The following BMP5 variants were observed in gnomAD, a reference collection of about 807,000 sequenced individuals.
BMP5 encodes bone morphogenetic protein 5.
A neutral mutation model predicts 46.6 loss-of-function variants in BMP5; 23 were observed. That is an observed-to-expected ratio of 0.49 (90% confidence interval 0.35 to 0.70). The LOEUF is 0.70. Among genes scored for constraint, BMP5 ranks in the 30% least tolerant of loss-of-function variants. BMP5 has a pLI of 0.00. For synonymous variants in BMP5, 204 were observed against 191.9 expected (o/e 1.06, Z -0.52); for missense variants, 545 against 565.6 (o/e 0.96, Z 0.37).
intron 1 of BMP5, among the ~76,000 whole-genome samples, chr6:55,860,282 T>G (rs1777500811): frequency 6.6e-6 from 1 of 152,120 alleles, no homozygotes. Flanking sequence ...TCAAAAAATT[T>G]TTTTAAAAAG....
chr6:55,854,601 T>G (rs1777341270), intron 1 of BMP5, among the ~76,000 whole-genome samples: 1 of 152,060 alleles, frequency 6.6e-6, no homozygotes, highest in Admixed American at 6.6e-5. Context: ...TGAAGATAAT[T>G]TTGTCACATA....
chr6:55,872,726 T>G (rs899001049), intron 1 of BMP5, among the ~76,000 whole-genome samples: 1 of 151,862 alleles, frequency 6.6e-6, no homozygotes, highest in Non-Finnish European at 1.5e-5. Context: ...AACATACATA[T>G]GCTTCTTTGT....
At chr6:55,772,739 A>G (rs1451525983) in intron 4 of BMP5, 1 of 984,642 alleles carries the variant, frequency 1.0e-6, no homozygotes. Flanking sequence ...AAATTATTTT[A>G]AAACATCACC....
At chr6:55,761,489 C>T (rs1461917110) in intron 4 of BMP5, among the ~76,000 whole-genome samples, 1 of 151,876 alleles carries the variant, frequency 6.6e-6, no homozygotes, top group Non-Finnish European at 1.5e-5. Context: ...ATCCTATTAC[C>T]CCTCTGACTC....
At position 55,759,144 on chromosome 6, in the gene BMP5, CAAAAAAAAAAAAAAA is replaced by C. The variant is rs754365141; in HGVS notation, c.1105-44_1105-30del. 2.4e-4 allele frequency: 20 copies of C among 85,088 alleles called. No individual in the cohort carries two copies. In the African/African-American group the frequency reaches 3.5e-3, roughly 15 times the overall value. The allele number at this position is 85,088 out of a possible 1,614,324, so 5.3% of individuals were successfully genotyped here. A position where few individuals can be genotyped will look rare whatever the true frequency, so the allele number is the denominator to read the frequency against. On this transcript the variant is annotated intron_variant, in intron 5 of 6. Coordinates refer to ENST00000370830, the MANE Select transcript of BMP5 (RefSeq NM_021073.4). The stretch of plus-strand genomic sequence containing the variant: ...ACACATACACACACACACACACACA[CAAAAAAAAAAAAAAA>C]AAAAAAAAAAAAAAAAAAAAAAAAC...
In BMP5 at chr6:55,755,606, T is replaced by C; in HGVS notation, c.1292A>G (p.Tyr431Cys). 6.2e-7 allele frequency: 1 copy of C among 1,612,296 alleles called. No homozygotes were observed. The highest frequency in any genetic ancestry group is 8.5e-7 in the Non-Finnish European group (1 of 1,178,782). Reference protein sequence around the residue: ...PTKLNAISVLYFDDSSNVILK... With the variant: ...PTKLNAISVLCFDDSSNVILK... ...AATGACATTGGAGCTGTCATCAAAG[T>C]ACAGAACAGAGATGGCATTTAATTT... is the stretch of plus-strand genomic sequence containing the variant. The change falls in exon 7 of 7, where the codon TAC becomes TGC. Residue 431 changes from tyrosine to cysteine, a missense_variant. By Grantham distance (194) the Tyr-to-Cys change is radical. Coordinates refer to ENST00000370830, the MANE Select transcript of BMP5 (RefSeq NM_021073.4).
chr6:55,827,039 C>T (rs1220437417), intron 1 of BMP5, among the ~76,000 whole-genome samples: 3 of 151,752 alleles, frequency 2.0e-5, no homozygotes, highest in Admixed American at 6.6e-5. Flanking sequence ...TCTTAGCGTG[C>T]TCTCTCCTCC....
At chr6:55,757,744 AT>A (rs1189263818) in intron 6 of BMP5, among the ~76,000 whole-genome samples, 1 of 151,904 alleles carries the variant, frequency 6.6e-6, no homozygotes, top group East Asian at 1.9e-4. Context: ...CTTATAAATA[AT>A]TTATTATCAA....
At chr6:55,782,121 C>T (rs1775333809) in intron 3 of BMP5, among the ~76,000 whole-genome samples, 1 of 151,972 alleles carries the variant, frequency 6.6e-6, no homozygotes, top group African/African-American at 2.4e-5. Context: ...TCTGCAGGAA[C>T]ACATTTTGAA....
At chr6:55,772,797 T>G (rs1294090260) in intron 4 of BMP5, 1 of 985,022 alleles carries the variant, frequency 1.0e-6, no homozygotes, top group African/African-American at 1.7e-5. Flanking sequence ...TACAGAAATC[T>G]TCCCTCCTGC....
At chr6:55,841,395 T>A (rs1776950201) in intron 1 of BMP5, among the ~76,000 whole-genome samples, 1 of 152,280 alleles carries the variant, frequency 6.6e-6, no homozygotes. Context: ...CCAAAAAAAA[T>A]TTTGATTCTC....
rs778588786 is a variant in BMP5 at position 55,874,557 on chromosome 6, T to C, written c.309A>G (p.Ala103=). ...CCCCTCTGGTCTCTTCTGCCAAGGATGCCCTTACTGAGTACTCCGACTCTT... is the reference window on the plus strand; with the variant it reads ...CCCCTCTGGTCTCTTCTGCCAAGGACGCCCTTACTGAGTACTCCGACTCTT... ...NPEESEYSVR[A]SLAEETRGAR... Residue 103 remains alanine (A), a synonymous_variant, in exon 1 of 7, where the codon GCA becomes GCG. Coordinates refer to ENST00000370830, the MANE Select transcript of BMP5 (RefSeq NM_021073.4). 1 of 1,613,490 alleles carries C rather than the reference T, an allele frequency of 6.2e-7. No individual in the cohort carries two copies. The highest frequency in any genetic ancestry group is 8.5e-7 in the Non-Finnish European group (1 of 1,179,676).
intron 1 of BMP5, among the ~76,000 whole-genome samples, chr6:55,830,082 T>G (rs1326873252): frequency 6.6e-6 from 1 of 152,060 alleles, no homozygotes; most frequent in Non-Finnish European, 1.5e-5. Flanking sequence ...GTCTTTACAT[T>G]TACAGTTAGA....
chr6:55,829,579 T>A (rs1156620866), intron 1 of BMP5, among the ~76,000 whole-genome samples: 1 of 151,896 alleles, frequency 6.6e-6, no homozygotes, highest in African/African-American at 2.4e-5. Flanking sequence ...TGTCACACAT[T>A]TATTTTCAGT....
chr6:55,860,423 G>C (rs1051053090), intron 1 of BMP5, among the ~76,000 whole-genome samples: 11 of 152,310 alleles, frequency 7.2e-5, no homozygotes, highest in African/African-American at 2.6e-4. Flanking sequence ...ATATGTCAAT[G>C]AAATTAGTCT....
intron 1 of BMP5, among the ~76,000 whole-genome samples, chr6:55,870,423 G>A (rs887996059): frequency 3.3e-5 from 5 of 152,004 alleles, no homozygotes; most frequent in Non-Finnish European, 5.9e-5. Flanking sequence ...TTTACAGAAT[G>A]ATTGTTGCTT....
At chr6:55,852,612 T>G (rs1777273285) in intron 1 of BMP5, among the ~76,000 whole-genome samples, 1 of 152,136 alleles carries the variant, frequency 6.6e-6, no homozygotes, top group South Asian at 2.1e-4. Context: ...TAGTCTTATT[T>G]CTGCTCTCTT....
chr6:55,867,512 C>T (rs1207198486), intron 1 of BMP5, among the ~76,000 whole-genome samples: 1 of 152,144 alleles, frequency 6.6e-6, no homozygotes, highest in Non-Finnish European at 1.5e-5. Context: ...TGATACATCT[C>T]AGTGGGTGGG....
intron 1 of BMP5, among the ~76,000 whole-genome samples, chr6:55,853,664 T>G (rs1277308418): frequency 6.6e-6 from 1 of 152,208 alleles, no homozygotes; most frequent in East Asian, 1.9e-4. Context: ...CTGCTGTATT[T>G]TCATAATATG....
Sources: gnomAD v4.1 joint callset for allele counts (sites outside exome capture counted in the v4.1 genomes callset) on GRCh38, gnomAD v4.1.1 for gene constraint, MANE v1.5 for transcripts, NCBI Gene and HGNC (gene_info 2026-07-23, HGNC 2026-07-21) for gene names.